Variants in GALNT2 observed in about 807,000 individuals in gnomAD.
The protein encoded by GALNT2 is polypeptide N-acetylgalactosaminyltransferase 2.
Under a neutral mutation model 81.4 loss-of-function variants are expected in GALNT2, and 31 were observed. That is an observed-to-expected ratio of 0.38 (90% confidence interval 0.29 to 0.51). GALNT2 has a LOEUF of 0.51. Ranked by LOEUF, GALNT2 falls within the 20% of genes least tolerant of loss-of-function variation. The pLI, the probability that GALNT2 is intolerant of heterozygous loss-of-function variation, is 0.87. For missense variants in GALNT2, 629 were observed against 765.7 expected, an observed-to-expected ratio of 0.82 and a Z score of 2.11; for synonymous variants, 303 against 287.4, an observed-to-expected ratio of 1.05 and a Z score of -0.55.
chr1:230,225,525 TA>T (rs1664679035), intron 3 of GALNT2, among the ~76,000 whole-genome samples: 1 of 152,174 alleles, frequency 6.6e-6, no homozygotes, highest in South Asian at 2.1e-4. Context: ...CCCAGTGGCT[TA>T]GGCTTGACTC....
At chr1:230,230,363 G>A (rs1664833289) in intron 3 of GALNT2, among the ~76,000 whole-genome samples, 1 of 152,184 alleles carries the variant, frequency 6.6e-6, no homozygotes, top group Admixed American at 6.5e-5. Flanking sequence ...TCAGGACCTT[G>A]GAAATACCAC....
chr1:230,179,554 G>C (rs1055558921), intron 2 of GALNT2, among the ~76,000 whole-genome samples: 1 of 152,172 alleles, frequency 6.6e-6, no homozygotes, highest in African/African-American at 2.4e-5. Flanking sequence ...AATGACATAT[G>C]ATGTTGAGCA....
Position 230,243,626 on chromosome 1 carries a change from A to G in GALNT2, c.729+199A>G, listed in dbSNP as rs1310096691. On this transcript the variant is annotated intron_variant, in intron 7 of 15. Coordinates refer to ENST00000366672, the MANE Select transcript of GALNT2 (RefSeq NM_004481.5). The surrounding 1 kb of genome is among the most constrained non-coding windows in gnomAD (Gnocchi z 4.2). ...GTAGAAAGACTGTTTTACTGGCTGT[A>G]GGAATCCATCAGTAGGAGGAACCAT... Among the ~76,000 whole-genome samples, 5 of 152,214 alleles carry G rather than the reference A, an allele frequency of 3.3e-5. No individual in the cohort carries two copies. The highest frequency in any genetic ancestry group is 3.3e-4 in the Admixed American group (5 of 15,288).
intron 1 of GALNT2, among the ~76,000 whole-genome samples, chr1:230,139,697 C>G (rs1250065421): frequency 1.3e-5 from 2 of 152,178 alleles, no homozygotes; most frequent in East Asian, 3.8e-4. Context: ...AAGGAAAATA[C>G]AAGCAAAGCA....
chr1:230,077,059 C>T (rs537135146), intron 1 of GALNT2, among the ~76,000 whole-genome samples: 6 of 152,198 alleles, frequency 3.9e-5, no homozygotes, highest in African/African-American at 1.4e-4. Flanking sequence ...TTGGAGATGC[C>T]CATGAATTAA....
At chr1:230,253,805 A>G (rs1434176007) in intron 10 of GALNT2, among the ~76,000 whole-genome samples, 1 of 152,054 alleles carries the variant, frequency 6.6e-6, no homozygotes, top group East Asian at 1.9e-4. Flanking sequence ...ATAATTTTGT[A>G]TCCTTGAAAA....
rs1448968933 is a variant in GALNT2, at chr1:230,271,346, T to A, written c.1441-3099T>A. 6.6e-6 allele frequency among the ~76,000 whole-genome samples: 1 copy of A among 152,232 alleles called. No individual in the cohort carries two copies. Among genetic ancestry groups the A allele is most frequent in the Admixed American group, 6.5e-5 (1 of 15,288 alleles). ...AAAAGCTGCTTTTCCTCCTTTATAC[T>A]CTCACAAAACTTCTCACCTCTGACA... On this transcript the variant is annotated intron_variant, in intron 14 of 15. Coordinates refer to ENST00000366672, the MANE Select transcript of GALNT2 (RefSeq NM_004481.5). The surrounding 1 kb of genome is among the most constrained non-coding windows in gnomAD (Gnocchi z 4.2).
At chr1:230,066,212 A>AT (rs527424897), upstream of GALNT2, among the ~76,000 whole-genome samples, 4 of 152,234 alleles carry the variant, frequency 2.6e-5, no homozygotes, top group Non-Finnish European at 5.9e-5. Context: ...AACATTTAAT[A>AT]TATCAAGTTC....
rs1666434433 is a variant in GALNT2 at position 230,281,264 on chromosome 1, A to G, written c.*1806A>G. 6.6e-6 allele frequency: 1 copy of G among 152,338 alleles called. No homozygotes were observed. Among genetic ancestry groups the G allele is most frequent in the Admixed American group, 6.5e-5 (1 of 15,286 alleles). The allele number at this position is 152,338 out of a possible 1,614,324, so 9.4% of individuals were successfully genotyped here. ...GGAAGCCTGGCTGGAGGGCTGCCCT[A>G]TAGGTCTTCTCTTCCCGCCTCCCCT... On this transcript the variant is annotated 3_prime_UTR_variant, in exon 16 of 16. Transcript: ENST00000366672.
At chr1:230,278,010 T>C (rs2102785589) in intron 15 of GALNT2, among the ~76,000 whole-genome samples, 1 of 122,948 alleles carries the variant, frequency 8.1e-6, no homozygotes, top group African/African-American at 3.8e-5. Flanking sequence ...AACCACAGAC[T>C]TCATTATTTG....
chr1:230,258,391 A>G (rs951827473), intron 11 of GALNT2, among the ~76,000 whole-genome samples: 3 of 151,292 alleles, frequency 2.0e-5, no homozygotes, highest in African/African-American at 7.3e-5. Flanking sequence ...CACCACACCC[A>G]GCTGATTTTG....
chr1:230,211,301 C>T (rs533790978), intron 3 of GALNT2, among the ~76,000 whole-genome samples: 4 of 152,128 alleles, frequency 2.6e-5, no homozygotes, highest in African/African-American at 4.8e-5. Context: ...GGAGGCCACA[C>T]GGGGTGTCAC....
At chr1:230,126,651 T>C (rs1571992267) in intron 1 of GALNT2, among the ~76,000 whole-genome samples, 1 of 152,188 alleles carries the variant, frequency 6.6e-6, no homozygotes, top group Non-Finnish European at 1.5e-5. Context: ...CTCGGAAAAG[T>C]GTGTGCATGG....
chr1:230,089,544 CTG>C (rs763963161), intron 1 of GALNT2, among the ~76,000 whole-genome samples: 72 of 152,296 alleles, frequency 4.7e-4, no homozygotes, highest in Non-Finnish European at 8.7e-4. Flanking sequence ...AACTGATACT[CTG>C]TACCCAAAAA....
chr1:230,261,064 T>A (rs1489053153), intron 11 of GALNT2, among the ~76,000 whole-genome samples: 1 of 151,350 alleles, frequency 6.6e-6, no homozygotes, highest in Non-Finnish European at 1.5e-5. Flanking sequence ...TTCCTCATAT[T>A]TAGTCATAAA....
intron 2 of GALNT2, among the ~76,000 whole-genome samples, chr1:230,192,423 CCTT>C (rs1235364492): frequency 2.6e-5 from 4 of 152,170 alleles, no homozygotes; most frequent in Admixed American, 6.5e-5. Flanking sequence ...GTCTTTCTCT[CCTT>C]CTGTCTTTTT....
intron 1 of GALNT2, among the ~76,000 whole-genome samples, chr1:230,142,234 G>A (rs1489813463): frequency 1.3e-5 from 2 of 152,118 alleles, no homozygotes; most frequent in Non-Finnish European, 2.9e-5. Flanking sequence ...CGTCCACCAG[G>A]CCACAGGAAG....
chr1:230,136,725 C>T (rs1558102671), intron 1 of GALNT2, among the ~76,000 whole-genome samples: 1 of 152,178 alleles, frequency 6.6e-6, no homozygotes, highest in East Asian at 1.9e-4. Flanking sequence ...TTCCAAACAC[C>T]GCTTGTTTGT....
At chr1:230,266,791 GC>G (rs1365066347) in intron 14 of GALNT2, among the ~76,000 whole-genome samples, 3 of 152,178 alleles carry the variant, frequency 2.0e-5, no homozygotes, top group Admixed American at 6.5e-5. Context: ...AAGATACTTG[GC>G]GTTGATGAGT....
Sources: allele counts gnomAD v4.1 joint callset (sites outside exome capture counted in the v4.1 genomes callset), GRCh38; gene constraint gnomAD v4.1.1; non-coding constraint Gnocchi (gnomAD v3.1); transcripts MANE v1.5; gene names NCBI Gene and HGNC (gene_info 2026-07-23, HGNC 2026-07-21).